Variants in MMP26 observed in about 807,000 individuals in gnomAD.
The protein encoded by MMP26 is matrix metalloproteinase-26.
In MMP26, 33 loss-of-function variants were observed where a neutral mutation model predicts 31.0. That is an observed-to-expected ratio of 1.06 (90% CI 0.81 to 1.42). The LOEUF (loss-of-function observed/expected upper bound fraction) is 1.42. Ranked by LOEUF, MMP26 falls within the 40% of genes most tolerant of loss-of-function variation. MMP26 has a pLI of 0.00. For synonymous variants in MMP26, 122 were observed against 114.9 expected (o/e 1.06, Z -0.40); for missense variants, 347 against 316.1 (o/e 1.10, Z -0.74).
chr11:4,877,271 G>A (rs2133532778), intron 2 of MMP26: 1 of 152,334 alleles, frequency 6.6e-6, no homozygotes, highest in Non-Finnish European at 1.5e-5. Context: ...ACAGGCTCAA[G>A]GCTCTCAACA....
chr11:4,989,557 T>C, intron 3 of MMP26, 91 bp from the exon 4 acceptor site: 2 of 1,018,836 alleles, frequency 2.0e-6, no homozygotes, highest in Non-Finnish European at 2.9e-6. Flanking sequence ...ACCGTCCTTC[T>C]GAGACCCTCA....
rs149907910 is a variant in MMP26, at chr11:4,746,174, C to G, written c.-216-21096C>G. Reference sequence around the variant, plus strand: ...TTCCCATTGACTTGCATTATCATTTCGAGTATTTTCTCACATTATTAATTC... The same window carrying G: ...TTCCCATTGACTTGCATTATCATTTGGAGTATTTTCTCACATTATTAATTC... On this transcript the variant is annotated intron_variant, in intron 1 of 7. Coordinates refer to ENST00000380390, the MANE Select transcript of MMP26 (RefSeq NM_021801.5). Among the ~76,000 whole-genome samples, 920 of 152,228 alleles carry G rather than the reference C, an allele frequency of 6.0e-3. 17 individuals are homozygous for G. The highest frequency in any genetic ancestry group is 0.021 in the African/African-American group (861 of 41,544).
chr11:4,803,779 T>C (rs749672567), intron 2 of MMP26: 1 of 1,612,922 alleles, frequency 6.2e-7, no homozygotes, highest in East Asian at 2.2e-5. Context: ...AAAGAGCCCA[T>C]TCCCACGACT....
At chr11:4,986,489 T>C (rs548614980) in intron 2 of MMP26, among the ~76,000 whole-genome samples, 1 of 136,870 alleles carries the variant, frequency 7.3e-6, no homozygotes, top group African/African-American at 2.7e-5. Context: ...CTGGGACAAG[T>C]GAGCACCACC....
At chr11:4,823,223 C>T (rs776068103) in intron 2 of MMP26, among the ~76,000 whole-genome samples, 2 of 151,924 alleles carry the variant, frequency 1.3e-5, no homozygotes, top group East Asian at 3.9e-4. Flanking sequence ...TGAATATTAA[C>T]ATAAGACACA....
chr11:4,776,457 T>A (rs576177581), intron 2 of MMP26, among the ~76,000 whole-genome samples: 2 of 151,980 alleles, frequency 1.3e-5, no homozygotes, highest in South Asian at 4.1e-4. Flanking sequence ...ACATGTGTTA[T>A]TTTTTGACTT....
intron 2 of MMP26, among the ~76,000 whole-genome samples, chr11:4,776,986 C>A (rs1848798650): frequency 6.6e-6 from 1 of 152,106 alleles, no homozygotes; most frequent in South Asian, 2.1e-4. Context: ...TACCACACAC[C>A]AGTTGAATTA....
chr11:4,832,904 C>T (rs1849665685), intron 2 of MMP26: 1 of 197,112 alleles, frequency 5.1e-6, no homozygotes, highest in African/African-American at 2.3e-5. Flanking sequence ...CCATCATCAC[C>T]TTGGCTACCA....
chr11:4,837,589 A>T (rs1429182616), intron 2 of MMP26, among the ~76,000 whole-genome samples: 4 of 144,000 alleles, frequency 2.8e-5, no homozygotes, highest in Non-Finnish European at 1.6e-5. Flanking sequence ...AACAAAAATA[A>T]TCAATAATAT....
chr11:4,775,851 T>C (rs1848785163), intron 2 of MMP26, among the ~76,000 whole-genome samples: 1 of 152,182 alleles, frequency 6.6e-6, no homozygotes, highest in Non-Finnish European at 1.5e-5. Flanking sequence ...TACATGCATA[T>C]ATTGTATAGT....
intron 2 of MMP26, among the ~76,000 whole-genome samples, chr11:4,978,766 C>G (rs16907934): frequency 0.049 from 7,482 of 152,114 alleles, 626 homozygotes; most frequent in African/African-American, 0.17. Flanking sequence ...GCAGCAGTTT[C>G]AGAAAGAACA....
chr11:4,991,266 T>G, intron 5 of MMP26, 105 bp from the exon 6 acceptor site: 3 of 1,358,396 alleles, frequency 2.2e-6, no homozygotes, highest in Non-Finnish European at 3.0e-6. Context: ...CCCCCAGTGG[T>G]AGACTGTTGC....
At chr11:4,809,907 C>T (rs1849326988) in intron 2 of MMP26, among the ~76,000 whole-genome samples, 1 of 152,182 alleles carries the variant, frequency 6.6e-6, no homozygotes, top group Non-Finnish European at 1.5e-5. Context: ...CTCACCCAGA[C>T]CTCTACTCTG....
rs147030974 is a variant in MMP26, at chr11:4,775,011, T to C, written c.-145+7670T>C. 2.2e-4 allele frequency among the ~76,000 whole-genome samples: 33 copies of C among 152,350 alleles called. No individual in the cohort carries two copies. The East Asian group carries it at 6.4e-3, about 29-fold the overall frequency. On this transcript the variant is annotated intron_variant, in intron 2 of 7. Transcript: ENST00000380390. Reference sequence around the variant, plus strand: ...TGTGTCTGTTTTTGTACCAGTACCATGCTGTTTTGGTTATTGCAGCCTTAT... The same window carrying C: ...TGTGTCTGTTTTTGTACCAGTACCACGCTGTTTTGGTTATTGCAGCCTTAT...
At chr11:4,752,753 A>C (rs73393040) in intron 1 of MMP26, 1 of 152,424 alleles carries the variant, frequency 6.6e-6, no homozygotes, top group African/African-American at 2.4e-5. Flanking sequence ...CCAGTGTAGA[A>C]ATACGTAAGC....
At chr11:4,713,402 C>G (rs557879624) in intron 1 of MMP26, among the ~76,000 whole-genome samples, 2 of 152,266 alleles carry the variant, frequency 1.3e-5, no homozygotes, top group African/African-American at 4.8e-5. Flanking sequence ...TTATTAGTCA[C>G]CTTCTGTTCT....
At position 4,916,496 on chromosome 11, in the gene MMP26, G is replaced by A. The variant is rs566033519; in HGVS notation, c.-144-71572G>A. On this transcript the variant is annotated intron_variant, in intron 2 of 7. Transcript: ENST00000380390. ...TTCTTTTCTTTTCCTTTATCTTACT[G>A]TGCTTTCTTTGTTATAGTTTTAGTT... 7.3e-5 allele frequency among the ~76,000 whole-genome samples: 11 copies of A among 150,472 alleles called. No homozygotes were observed. In the South Asian group the frequency reaches 2.3e-3, roughly 32 times the overall value.
At chr11:4,805,010 A>G (rs939447853) in intron 2 of MMP26, among the ~76,000 whole-genome samples, 15 of 151,844 alleles carry the variant, frequency 9.9e-5, no homozygotes, top group Admixed American at 2.6e-4. Context: ...TCTTGAAAGT[A>G]GCATCTGCTA....
chr11:4,797,983 A>T (rs1281284125), intron 2 of MMP26, among the ~76,000 whole-genome samples: 1 of 152,216 alleles, frequency 6.6e-6, no homozygotes, highest in Non-Finnish European at 1.5e-5. Flanking sequence ...TTCCTCATCT[A>T]CAAAGTGGAA....
Sources: allele counts gnomAD v4.1 joint callset (sites outside exome capture counted in the v4.1 genomes callset), GRCh38; gene constraint gnomAD v4.1.1; transcripts MANE v1.5; gene names NCBI Gene and HGNC (gene_info 2026-07-23, HGNC 2026-07-21).